Variants in EPDR1 observed in about 807,000 individuals in gnomAD.
The protein encoded by EPDR1 is ependymin related 1.
Under a neutral mutation model 23.7 loss-of-function variants are expected in EPDR1, and 27 were observed. That is an observed-to-expected ratio of 1.14 (90% CI 0.84 to 1.57). EPDR1 has a LOEUF of 1.57. EPDR1 is among the 40% of genes most tolerant of loss of function. The pLI is 0.00. For missense variants in EPDR1, 349 were observed against 290.4 expected (o/e 1.20, Z -1.47); for synonymous variants, 137 against 118.2 (o/e 1.16, Z -1.03).
intron 1 of EPDR1, chr7:37,921,572 C>A: frequency 9.3e-7 from 1 of 1,077,358 alleles, no homozygotes; most frequent in Non-Finnish European, 1.2e-6. Flanking sequence ...CAGTCTAGGG[C>A]GTGTCTTCTG....
chr7:37,928,491 C>T (rs1240222901), intron 1 of EPDR1, among the ~76,000 whole-genome samples: 7 of 152,086 alleles, frequency 4.6e-5, no homozygotes, highest in Admixed American at 6.5e-5. Context: ...AATTTTTGTA[C>T]TCCCATGCTC....
At chr7:37,938,103 G>A (rs1786095511) in intron 1 of EPDR1, among the ~76,000 whole-genome samples, 1 of 145,780 alleles carries the variant, frequency 6.9e-6, no homozygotes, top group Non-Finnish European at 1.5e-5. Flanking sequence ...CCATTCTCTT[G>A]CCTCAGCCTC....
intron 1 of EPDR1, among the ~76,000 whole-genome samples, chr7:37,943,603 T>C (rs1786213440): frequency 6.6e-6 from 1 of 152,262 alleles, no homozygotes; most frequent in African/African-American, 2.4e-5. Flanking sequence ...TGAAAACAAA[T>C]TATATAGTTC....
At chr7:37,939,880 G>T (rs1240543689) in intron 1 of EPDR1, among the ~76,000 whole-genome samples, 2 of 152,136 alleles carry the variant, frequency 1.3e-5, no homozygotes, top group Non-Finnish European at 2.9e-5. Context: ...CCTGTGGAGA[G>T]AAATCTGGTA....
intron 1 of EPDR1, among the ~76,000 whole-genome samples, chr7:37,926,478 C>CA (rs55920283): frequency 0.41 from 49,563 of 119,588 alleles, 10,816 homozygotes; most frequent in East Asian, 0.54. Context: ...TTCTTCATAG[C>CA]AAAAAAAAAA....
intron 1 of EPDR1, among the ~76,000 whole-genome samples, chr7:37,947,164 A>G (rs1187631427): frequency 1.3e-5 from 2 of 152,220 alleles, no homozygotes; most frequent in African/African-American, 4.8e-5. Context: ...TACCCTATAC[A>G]TGCGTACCAT....
At chr7:37,925,176 G>A (rs34432521) in intron 1 of EPDR1, among the ~76,000 whole-genome samples, 1 of 152,080 alleles carries the variant, frequency 6.6e-6, no homozygotes, top group Non-Finnish European at 1.5e-5. Flanking sequence ...AAGACTGAAG[G>A]AAATCAAGAA....
In EPDR1 at chr7:37,921,018, C is replaced by T. The variant is rs987482671; in HGVS notation, c.79C>T (p.Leu27=). Residue 27 remains leucine (L), a synonymous_variant, in exon 1 of 3, where the codon CTG becomes TTG. Transcript: ENST00000199448. The stretch of plus-strand genomic sequence containing the variant: ...GCTGGGCGGCCTCTGGGCCTGGACC[C>T]TGTGCGGCCTGTGCAGCCTGGGGGC... The part of the protein sequence containing the change: ...WLLGGLWAWT[L]CGLCSLGAVG... 1 of 1,520,830 alleles carries T rather than the reference C, an allele frequency of 6.6e-7. No individual in the cohort carries two copies. Among genetic ancestry groups the T allele is most frequent in the Admixed American group, 2.1e-5 (1 of 47,990 alleles). 94.2% of individuals were successfully genotyped at this position (1,520,830 alleles called of 1,614,324 possible). A position where few individuals can be genotyped will look rare whatever the true frequency, so the allele number is the denominator to read the frequency against.
At chr7:37,947,567 T>C (rs896826231) in intron 1 of EPDR1, among the ~76,000 whole-genome samples, 1 of 152,182 alleles carries the variant, frequency 6.6e-6, no homozygotes, top group Admixed American at 6.5e-5. Context: ...CTCTAGTGCA[T>C]TGGGTCTCAT....
chr7:37,926,658 T>G (rs1785820097), intron 1 of EPDR1: 1 of 454,560 alleles, frequency 2.2e-6, no homozygotes, highest in Non-Finnish European at 4.4e-6. Context: ...TGTTTCCTCA[T>G]AATTAGATTC....
intron 1 of EPDR1, among the ~76,000 whole-genome samples, chr7:37,930,704 A>T (rs1036011927): frequency 2.0e-5 from 3 of 152,252 alleles, no homozygotes; most frequent in African/African-American, 7.2e-5. Flanking sequence ...GAAGCTTGGG[A>T]ATCCACTTCT....
At chr7:37,926,497 A>AAC in intron 1 of EPDR1, among the ~76,000 whole-genome samples, 1 of 145,866 alleles carries the variant, frequency 6.9e-6, no homozygotes, top group East Asian at 2.0e-4. Context: ...AAAAAAAAAA[A>AAC]AGATTTAAAT....
chr7:37,928,062 G>A (rs1288319156), intron 1 of EPDR1, among the ~76,000 whole-genome samples: 1 of 152,210 alleles, frequency 6.6e-6, no homozygotes, highest in Admixed American at 6.5e-5. Flanking sequence ...TGGGGAGGGA[G>A]AAGCAGGCAC....
chr7:37,937,219 C>T lies in EPDR1; in HGVS notation c.270-11621C>T, dbSNP rs1786070829. ...AGAAAAGATGAAACTGAATCCACAT[C>T]TCACACCGTACATAAAAATAAACTG... On this transcript the variant is annotated intron_variant, in intron 1 of 2. Coordinates refer to ENST00000199448, the MANE Select transcript of EPDR1 (RefSeq NM_017549.5). Among the ~76,000 whole-genome samples, 3 of 152,250 alleles carry T rather than the reference C, an allele frequency of 2.0e-5. No individual in the cohort carries two copies. In the South Asian group the frequency reaches 6.2e-4, roughly 32 times the overall value.
At chr7:37,921,497 C>G (rs1310943094) in intron 1 of EPDR1, 2 of 1,338,242 alleles carry the variant, frequency 1.5e-6, no homozygotes, top group East Asian at 6.1e-5. Flanking sequence ...GCAGAGTGCC[C>G]CATGCCCAGG....
chr7:37,945,310 C>A (rs1242599128), intron 1 of EPDR1, among the ~76,000 whole-genome samples: 3 of 152,138 alleles, frequency 2.0e-5, no homozygotes, highest in Non-Finnish European at 2.9e-5. Context: ...TCATAAAATG[C>A]ACACTTATAT....
chr7:37,933,365 G>A (rs1785981579), intron 1 of EPDR1, among the ~76,000 whole-genome samples: 1 of 152,134 alleles, frequency 6.6e-6, no homozygotes, highest in South Asian at 2.1e-4. Flanking sequence ...GGATGGCTGA[G>A]CAGTTCTACA....
intron 1 of EPDR1, among the ~76,000 whole-genome samples, chr7:37,928,060 G>C (rs545413464): frequency 6.6e-6 from 1 of 152,202 alleles, no homozygotes; most frequent in East Asian, 1.9e-4. Flanking sequence ...GATGGGGAGG[G>C]AGAAGCAGGC....
intron 1 of EPDR1, among the ~76,000 whole-genome samples, chr7:37,946,452 T>C (rs1429802523): frequency 6.6e-6 from 1 of 152,210 alleles, no homozygotes; most frequent in Non-Finnish European, 1.5e-5. Flanking sequence ...TGTCTTTTTG[T>C]GTTTTTGATG....
Sources: allele counts gnomAD v4.1 joint callset (sites outside exome capture counted in the v4.1 genomes callset), GRCh38; gene constraint gnomAD v4.1.1; transcripts MANE v1.5; gene names NCBI Gene and HGNC (gene_info 2026-07-23, HGNC 2026-07-21).